Variants in PDE2A observed in about 807,000 individuals in gnomAD.
The protein encoded by PDE2A is cGMP-dependent 3',5'-cyclic phosphodiesterase.
PDE2A carries 53 observed loss-of-function variants against 133.6 expected under a neutral mutation model. The observed-to-expected ratio is 0.40, with a 90% CI of 0.32 to 0.50. The LOEUF (loss-of-function observed/expected upper bound fraction) is 0.50. PDE2A is among the 20% of genes least tolerant of loss of function. PDE2A has a pLI of 0.73. For missense variants in PDE2A, 796 were observed against 1,232.4 expected (o/e 0.65, Z 5.30); for synonymous variants, 491 against 490.2 (o/e 1.00, Z -0.02).
chr11:72,615,661 C>A (rs1448394148), intron 2 of PDE2A, among the ~76,000 whole-genome samples: 4 of 152,022 alleles, frequency 2.6e-5, no homozygotes, highest in African/African-American at 9.7e-5. Context: ...ATTTCTGCTG[C>A]CCACATTCTC....
intron 3 of PDE2A, among the ~76,000 whole-genome samples, chr11:72,607,013 G>A (rs1051338880): frequency 9.2e-5 from 14 of 152,140 alleles, no homozygotes; most frequent in African/African-American, 3.4e-4. Flanking sequence ...TCCTCCCTGG[G>A]CGGGGGTCCC....
At chr11:72,622,611 C>T (rs1857833469) in intron 2 of PDE2A, among the ~76,000 whole-genome samples, 1 of 152,180 alleles carries the variant, frequency 6.6e-6, no homozygotes, top group Non-Finnish European at 1.5e-5. Flanking sequence ...ACAGATACTA[C>T]ATTATTCCAA....
intron 13 of PDE2A, among the ~76,000 whole-genome samples, 168 bp from the exon 14 acceptor site, chr11:72,586,349 G>A (rs1855974362): frequency 6.6e-6 from 1 of 152,158 alleles, no homozygotes; most frequent in Admixed American, 6.5e-5. Flanking sequence ...CTGCAGACTG[G>A]GGGCTGCCCA....
At chr11:72,599,540 A>G (rs965039885) in intron 4 of PDE2A, among the ~76,000 whole-genome samples, 5 of 151,970 alleles carry the variant, frequency 3.3e-5, no homozygotes, top group African/African-American at 1.2e-4. Context: ...GTCTCTCACA[A>G]CTGTCCTCTG....
At chr11:72,623,126 T>C (rs112224759) in intron 2 of PDE2A, among the ~76,000 whole-genome samples, 16 of 152,156 alleles carry the variant, frequency 1.1e-4, no homozygotes, top group African/African-American at 3.9e-4. Flanking sequence ...CGTCTTCACC[T>C]CCCTCACCAT....
intron 1 of PDE2A, among the ~76,000 whole-genome samples, chr11:72,652,207 C>T (rs1854759994): frequency 6.6e-6 from 1 of 152,252 alleles, no homozygotes; most frequent in Non-Finnish European, 1.5e-5. Context: ...TCAAGCCCAT[C>T]CCTTTGCACC....
intron 2 of PDE2A, chr11:72,631,129 G>T (rs1256860040): frequency 2.6e-6 from 4 of 1,546,782 alleles, no homozygotes; most frequent in Admixed American, 3.9e-5. Flanking sequence ...TTGCAAGGGG[G>T]TCCAGGCTGG....
intron 2 of PDE2A, among the ~76,000 whole-genome samples, chr11:72,623,175 A>G (rs576023174): frequency 6.6e-6 from 1 of 152,142 alleles, no homozygotes; most frequent in Non-Finnish European, 1.5e-5. Context: ...CCAGCCCATC[A>G]CTGAAATGGC....
At chr11:72,626,271 CA>C (rs1858061332) in intron 2 of PDE2A, among the ~76,000 whole-genome samples, 1 of 152,214 alleles carries the variant, frequency 6.6e-6, no homozygotes. Flanking sequence ...GATGGGCAGG[CA>C]GAGAGACAGG....
At chr11:72,664,137 C>T (rs535251627) in intron 1 of PDE2A, among the ~76,000 whole-genome samples, 104 of 152,272 alleles carry the variant, frequency 6.8e-4, no homozygotes, top group African/African-American at 2.4e-3. Flanking sequence ...TGCAGGGCAG[C>T]CCCATCTCCA....
chr11:72,592,583 G>A (rs902250876), intron 6 of PDE2A, among the ~76,000 whole-genome samples: 1 of 152,196 alleles, frequency 6.6e-6, no homozygotes, highest in African/African-American at 2.4e-5. Context: ...AGACCTTGAA[G>A]AGACCAGGAC....
At position 72,632,196 on chromosome 11, in the gene PDE2A, C is replaced by T. The variant is rs186078931; in HGVS notation, c.144+10058G>A. 9.1e-4 allele frequency among the ~76,000 whole-genome samples: 138 copies of T among 152,296 alleles called. 1 individual carries two copies. Among genetic ancestry groups the T allele is most frequent in the South Asian group, 2.3e-3 (11 of 4,828 alleles). On this transcript the variant is annotated intron_variant, in intron 2 of 30. Coordinates refer to ENST00000334456, the MANE Select transcript of PDE2A (RefSeq NM_002599.5). ...CCTCTTCTCGCCTGGGCACTGGATA[C>T]CTGCCCACGACTACTGGAATCTCTG...
intron 2 of PDE2A, among the ~76,000 whole-genome samples, chr11:72,619,052 GCA>G (rs141623815): frequency 0.18 from 27,738 of 150,408 alleles, 2,611 homozygotes; most frequent in Non-Finnish European, 0.21. Context: ...CACAGCGTGC[GCA>G]CACACACACA....
At chr11:72,660,344 G>T (rs143269126) in intron 1 of PDE2A, among the ~76,000 whole-genome samples, 3 of 152,250 alleles carry the variant, frequency 2.0e-5, no homozygotes, top group African/African-American at 7.2e-5. Flanking sequence ...AACTAAGGAG[G>T]GGCGGGTCAC....
At chr11:72,600,965 C>A (rs1856715680) in intron 4 of PDE2A, among the ~76,000 whole-genome samples, 1 of 151,654 alleles carries the variant, frequency 6.6e-6, no homozygotes, top group Non-Finnish European at 1.5e-5. Context: ...GGCCAACAGC[C>A]TGGAAAGAGC....
intron 2 of PDE2A, among the ~76,000 whole-genome samples, chr11:72,624,606 G>A (rs371117929): frequency 2.6e-5 from 4 of 152,244 alleles, no homozygotes; most frequent in South Asian, 2.1e-4. Context: ...CTACTGCAGC[G>A]TCATTTGCTC....
chr11:72,579,484 GCCAGCTC>G, intron 26 of PDE2A, 43 bp downstream of exon 26: 1 of 1,563,050 alleles, frequency 6.4e-7, no homozygotes, highest in South Asian at 1.2e-5. Flanking sequence ...CCCACCTCCA[GCCAGCTC>G]CCAGCTCCCC....
intron 15 of PDE2A, 50 bp downstream of exon 15, chr11:72,585,504 G>C: frequency 6.2e-7 from 1 of 1,612,098 alleles, no homozygotes; most frequent in Non-Finnish European, 8.5e-7. Context: ...CTCTGCAAAT[G>C]CCAGCCCCCA....
chr11:72,594,779 ACCTGTG>A (rs1477881761), intron 6 of PDE2A, among the ~76,000 whole-genome samples: 1 of 151,546 alleles, frequency 6.6e-6, no homozygotes, highest in African/African-American at 2.4e-5. Flanking sequence ...TGGACCTCCT[ACCTGTG>A]CCCCAAGGCC....
Sources: allele counts gnomAD v4.1 joint callset (sites outside exome capture counted in the v4.1 genomes callset), GRCh38; gene constraint gnomAD v4.1.1; transcripts MANE v1.5; gene names NCBI Gene and HGNC (gene_info 2026-07-23, HGNC 2026-07-21).